USH1C: variants seen among roughly 807,000 people sequenced by gnomAD.
USH1C encodes USH1 protein network component harmonin.
USH1C carries 90 observed loss-of-function variants against 119.3 expected under a neutral mutation model. That is an observed-to-expected ratio of 0.75 (90% CI 0.64 to 0.90). USH1C has a LOEUF of 0.90. USH1C is among the 40% of genes least tolerant of loss of function. The pLI is 0.00. For missense variants in USH1C, 1,165 were observed against 1,167.7 expected (o/e 1.00, Z 0.03); for synonymous variants, 465 against 443.3 (o/e 1.05, Z -0.62).
chr11:17,502,566 G>A (rs1352931829), intron 20 of USH1C, among the ~76,000 whole-genome samples: 1 of 152,234 alleles, frequency 6.6e-6, no homozygotes, highest in African/African-American at 2.4e-5. Flanking sequence ...CTCATGTAAT[G>A]CTTACCTAGA....
chr11:17,537,040 C>T (rs1245051948), intron 1 of USH1C, among the ~76,000 whole-genome samples: 1 of 152,184 alleles, frequency 6.6e-6, no homozygotes, highest in Admixed American at 6.5e-5. Flanking sequence ...AGTGAAAACA[C>T]ACACTCACAC....
At chr11:17,500,047 A>T (rs1459094626) in intron 23 of USH1C, among the ~76,000 whole-genome samples, 2 of 152,234 alleles carry the variant, frequency 1.3e-5, no homozygotes, top group Admixed American at 6.5e-5. Context: ...AGAAGAAATC[A>T]CCAATGGTGG....
chr11:17,544,149 A>G (rs1387557798), intron 1 of USH1C, 123 bp downstream of exon 1: 15 of 1,333,766 alleles, frequency 1.1e-5, no homozygotes, highest in Non-Finnish European at 1.6e-5. Context: ...CGGGTGTCCC[A>G]GCCCAACCAG....
intron 14 of USH1C, among the ~76,000 whole-genome samples, chr11:17,518,748 A>G (rs1315158066): frequency 6.6e-6 from 1 of 152,154 alleles, no homozygotes; most frequent in Admixed American, 6.5e-5. Context: ...GGCCAGGCAC[A>G]GTGGCTCATG....
chr11:17,531,137 G>C lies in USH1C; in HGVS notation c.387+17C>G, dbSNP rs78718533. 2.5e-6 allele frequency: 4 copies of C among 1,613,770 alleles called. No homozygotes were observed. The highest frequency in any genetic ancestry group is 3.3e-5 in the Admixed American group (2 of 59,988). Reference sequence around the variant, plus strand: ...CCGAGGCCCTCGCTCCCCCTCCCCCGGACTCTGTTTGCTCACCTGGAGCCC... The same window carrying C: ...CCGAGGCCCTCGCTCCCCCTCCCCCCGACTCTGTTTGCTCACCTGGAGCCC... On this transcript the variant is annotated intron_variant, in intron 4 of 26. Transcript: ENST00000005226. This position sits in a 1 kb window ranked among gnomAD's most constrained non-coding sequence, Gnocchi z 4.2.
chr11:17,525,285 A>T (rs986174557), intron 8 of USH1C, among the ~76,000 whole-genome samples: 1 of 152,154 alleles, frequency 6.6e-6, no homozygotes, highest in Non-Finnish European at 1.5e-5. Context: ...CTATCACCCT[A>T]TATTATAACT....
At chr11:17,517,862 C>T (rs909114552) in intron 14 of USH1C, among the ~76,000 whole-genome samples, 1 of 152,178 alleles carries the variant, frequency 6.6e-6, no homozygotes, top group African/African-American at 2.4e-5. Flanking sequence ...GACCCTCCAG[C>T]CTTGTGCTTA....
chr11:17,537,123 G>A lies in USH1C; in HGVS notation c.37-3801C>T, dbSNP rs566820707. The stretch of plus-strand genomic sequence containing the variant: ...ATGGAAGTTTCTCTAAAGCCTGAAC[G>A]TGCAGTAACAATACCACCATCACTT... On this transcript the variant is annotated intron_variant, in intron 1 of 26. Coordinates refer to ENST00000005226, the MANE Select transcript of USH1C (RefSeq NM_153676.4). 3.9e-5 allele frequency among the ~76,000 whole-genome samples: 6 copies of A among 152,334 alleles called. No individual in the cohort carries two copies. The East Asian group carries it at 7.7e-4, about 20-fold the overall frequency.
Position 17,523,446 on chromosome 11 carries a change from G to T in USH1C, c.792C>A (p.Val264=), listed in dbSNP as rs750856849. 8 of 1,614,062 alleles carry T rather than the reference G, an allele frequency of 5.0e-6. No individual in the cohort carries two copies. Among genetic ancestry groups the T allele is most frequent in the Non-Finnish European group, 6.8e-6 (8 of 1,180,034 alleles). ...CCTTGTGATCCAGGTTAGAGAAGTCGACGCCATTGACTTCGACAATCTGGT... is the reference window on the plus strand; with the variant it reads ...CCTTGTGATCCAGGTTAGAGAAGTCTACGCCATTGACTTCGACAATCTGGT... ...IGDQIVEVNG[V]DFSNLDHKEA... The change falls in exon 10 of 27, where the codon GTC becomes GTA. Residue 264 remains valine, a synonymous_variant. Coordinates refer to ENST00000005226, the MANE Select transcript of USH1C (RefSeq NM_153676.4).
chr11:17,520,192 G>C (rs578057947), intron 14 of USH1C, among the ~76,000 whole-genome samples: 36 of 152,208 alleles, frequency 2.4e-4, no homozygotes, highest in Non-Finnish European at 4.1e-4. Context: ...GGGTTGAGAA[G>C]GTGGTCAGGG....
chr11:17,541,776 ACT>A (rs1489407492), intron 1 of USH1C, among the ~76,000 whole-genome samples: 1 of 152,128 alleles, frequency 6.6e-6, no homozygotes, highest in Non-Finnish European at 1.5e-5. Flanking sequence ...CCCACTGGAC[ACT>A]CTGCAGGTAT....
chr11:17,527,356 G>T, intron 4 of USH1C, 25 bp from the exon 5 acceptor site: 1 of 1,568,440 alleles, frequency 6.4e-7, no homozygotes, highest in Non-Finnish European at 8.7e-7. Context: ...GAGGCAGGGA[G>T]CACCAGGTGG....
intron 6 of USH1C, 40 bp downstream of exon 6, chr11:17,526,976 C>T (rs370893098): frequency 4.5e-4 from 707 of 1,563,282 alleles, no homozygotes; most frequent in Non-Finnish European, 5.8e-4. Context: ...GATCCTGGGC[C>T]CACAGGGAAG....
chr11:17,532,061 C>T (rs1273783170), intron 2 of USH1C, among the ~76,000 whole-genome samples: 2 of 152,218 alleles, frequency 1.3e-5, no homozygotes, highest in Non-Finnish European at 2.9e-5. Context: ...TGGCCCCTTA[C>T]TGCCCAGAGG....
chr11:17,520,171 T>C (rs940048818), intron 14 of USH1C, among the ~76,000 whole-genome samples: 5 of 152,118 alleles, frequency 3.3e-5, no homozygotes, highest in African/African-American at 1.2e-4. Context: ...TAAAGAGGCA[T>C]ATGGAAGCTG....
chr11:17,540,306 G>C (rs1448093332), intron 1 of USH1C, among the ~76,000 whole-genome samples: 1 of 152,066 alleles, frequency 6.6e-6, no homozygotes, highest in Non-Finnish European at 1.5e-5. Context: ...TGACATGTCA[G>C]CTAGTTTGTA....
rs541522410 is a variant in USH1C, at chr11:17,528,797, G to T, written c.388-1466C>A. Reference sequence around the variant, plus strand: ...CAGGAGTGGCCAAGGGCTCAAAATGGCACTGGGGTGGGGGCCCACTAAAGA... The same window carrying T: ...CAGGAGTGGCCAAGGGCTCAAAATGTCACTGGGGTGGGGGCCCACTAAAGA... On this transcript the variant is annotated intron_variant, in intron 4 of 26. Transcript: ENST00000005226. Among the ~76,000 whole-genome samples, 27 of 152,332 alleles carry T rather than the reference G, an allele frequency of 1.8e-4. 1 individual carries two copies. The South Asian group carries it at 5.4e-3, about 30-fold the overall frequency.
At chr11:17,524,644 T>C in intron 8 of USH1C, 109 bp from the exon 9 acceptor site, 3 of 1,225,084 alleles carry the variant, frequency 2.4e-6, no homozygotes, top group East Asian at 2.6e-5. Context: ...TGCCTACCTC[T>C]TCAGCCTCTG....
In USH1C at chr11:17,520,992, A is replaced by G. The variant is rs750856477; in HGVS notation, c.1088T>C (p.Ile363Thr). The change falls in exon 14 of 27, where the codon ATT becomes ACT. Residue 363 changes from isoleucine to threonine, a missense_variant and splice_region_variant. Physicochemically the swap from Ile to Thr is moderately conservative, Grantham distance 89 (BLOSUM62 -1). Transcript: ENST00000005226. ...NERYRKEMEQIVEEEEKFKKQ... is the reference protein window; with the variant it reads ...NERYRKEMEQTVEEEEKFKKQ... ...CTTAAACTTCTCTTCCTCCTCTACA[A>G]TCCTAAAATGAGACCCCCATGCCTG... The G allele has an allele frequency of 1.2e-6, 2 of 1,613,792 alleles. No homozygotes were observed. Among genetic ancestry groups the G allele is most frequent in the East Asian group, 2.2e-5 (1 of 44,866 alleles).
Sources: allele counts gnomAD v4.1 joint callset (sites outside exome capture counted in the v4.1 genomes callset), GRCh38; gene constraint gnomAD v4.1.1; non-coding constraint Gnocchi (gnomAD v3.1); transcripts MANE v1.5; gene names NCBI Gene and HGNC (gene_info 2026-07-23, HGNC 2026-07-21).